DDX60L: variants seen among roughly 807,000 people sequenced by gnomAD.
DDX60L encodes the protein DExD/H-box 60 like, also known as probable ATP-dependent RNA helicase DDX60-like.
DDX60L carries 191 observed loss-of-function variants against 211.6 expected under a neutral mutation model. The observed-to-expected ratio is 0.90, with a 90% confidence interval of 0.80 to 1.02. The LOEUF (loss-of-function observed/expected upper bound fraction) is 1.02. Among genes scored for constraint, DDX60L ranks in the 50% least tolerant of loss-of-function variants. DDX60L has a pLI of 0.00. For missense variants in DDX60L, 2,007 were observed against 1,984.1 expected (o/e 1.01, Z -0.22); for synonymous variants, 706 against 694.1 (o/e 1.02, Z -0.27).
chr4:168,369,428 G>C (rs1299922253), intron 36 of DDX60L, among the ~76,000 whole-genome samples: 4 of 151,692 alleles, frequency 2.6e-5, no homozygotes, highest in Admixed American at 6.6e-5. Context: ...GCCCAGTCTT[G>C]GGTATGTCTT....
At chr4:168,427,355 G>A in intron 13 of DDX60L, 33 bp from the exon 14 acceptor site, 1 of 1,590,010 alleles carries the variant, frequency 6.3e-7, no homozygotes, top group East Asian at 2.2e-5. Context: ...TATGAAACAA[G>A]TGGGAAAATT....
Position 168,441,395 on chromosome 4 carries a change from A to C in DDX60L, c.1236T>G (p.Ser412=), listed in dbSNP as rs1002976067. 22 of 1,612,944 alleles carry C rather than the reference A, an allele frequency of 1.4e-5. No individual in the cohort carries two copies. Among genetic ancestry groups the C allele is most frequent in the Non-Finnish European group, 1.7e-5 (20 of 1,179,466 alleles). The change falls in exon 10 of 38, where the codon TCT becomes TCG. Residue 412 remains serine (S), a synonymous_variant. Transcript: ENST00000682922. Reference sequence around the variant, plus strand: ...GTCTTCTTGTTGTTCTCAGAGGAAAAGACTTTCCAACGTTAAATTCTTTAA... The same window carrying C: ...GTCTTCTTGTTGTTCTCAGAGGAAACGACTTTCCAACGTTAAATTCTTTAA... The part of the protein sequence containing the change: ...HLVKEFNVGK[S]FPLRTTRRHF...
Position 168,387,272 on chromosome 4 carries a change from A to G in DDX60L, c.3916-2460T>C, listed in dbSNP as rs182192522. ...CAAACCAGCTGCTGTTGGTGGTGCC[A>G]AGATAAACTGTGGTTGGAAATCTCC... On this transcript the variant is annotated intron_variant, in intron 29 of 37. Transcript: ENST00000682922. Among the ~76,000 whole-genome samples, 226 of 152,354 alleles carry G rather than the reference A, an allele frequency of 1.5e-3. 1 individual carries two copies. Among genetic ancestry groups the G allele is most frequent in the African/African-American group, 4.9e-3 (203 of 41,586 alleles).
Position 168,441,378 on chromosome 4 carries a change from G to T in DDX60L, c.1253C>A (p.Thr418Lys), listed in dbSNP as rs373700437. Residue 418 changes from threonine to lysine, a missense_variant, in exon 10 of 38, where the codon ACA becomes AAA. Physicochemically the swap from Thr to Lys is moderately conservative, Grantham distance 78. Coordinates refer to ENST00000682922, the MANE Select transcript of DDX60L (RefSeq NM_001012967.3). ...NVGKSFPLRT[T>K]RRHFLRQEKS... Reference sequence around the variant, plus strand: ...CTCTTGTCTAAGAAAATGTCTTCTTGTTGTTCTCAGAGGAAAAGACTTTCC... The same window carrying T: ...CTCTTGTCTAAGAAAATGTCTTCTTTTTGTTCTCAGAGGAAAAGACTTTCC... 6.2e-7 allele frequency: 1 copy of T among 1,611,270 alleles called. No individual in the cohort carries two copies. The highest frequency in any genetic ancestry group is 1.7e-5 in the Admixed American group (1 of 59,418).
Position 168,406,005 on chromosome 4 carries a change from T to C in DDX60L, c.3158A>G (p.Glu1053Gly). 4 of 1,602,468 alleles carry C rather than the reference T, an allele frequency of 2.5e-6. No individual in the cohort carries two copies. Among genetic ancestry groups the C allele is most frequent in the Non-Finnish European group, 3.4e-6 (4 of 1,175,200 alleles). ...VIKKLDARKY[E>G]ENLKAELTNW... ...TGTCAATTCTGCCTTTAAGTTTTCT[T>C]CATATTTTCTAGCATCCAACTTCTT... The change falls in exon 24 of 38, where the codon GAA (glutamate) becomes GGA (glycine). Residue 1053 changes from glutamate to glycine, a missense_variant. Physicochemically the swap from Glu to Gly is moderately conservative, Grantham distance 98 (BLOSUM62 -2). Transcript: ENST00000682922.
In DDX60L at chr4:168,375,401, G is replaced by C. The variant is rs1301008925; in HGVS notation, c.4609C>G (p.His1537Asp). 1.2e-6 allele frequency: 2 copies of C among 1,612,602 alleles called. No homozygotes were observed. The highest frequency in any genetic ancestry group is 2.2e-5 in the South Asian group (2 of 90,884). Residue 1537 changes from histidine (H) to aspartate (D), a missense_variant, in exon 34 of 38, where the codon CAT (histidine) becomes GAT (aspartate). Coordinates refer to ENST00000682922, the MANE Select transcript of DDX60L (RefSeq NM_001012967.3). ...ASKSVNMKKEHQLPLSRIKFT... is the reference protein window; with the variant it reads ...ASKSVNMKKEDQLPLSRIKFT... ...CTGATTCTTGACAAAGGGAGTTGAT[G>C]CTCTTTTTTCATGTTCACCGACTTG...
intron 8 of DDX60L, 140 bp downstream of exon 8, chr4:168,452,983 CA>C (rs1266522075): frequency 1.1e-4 from 94 of 891,952 alleles, no homozygotes; most frequent in Non-Finnish European, 1.5e-4. Context: ...ATTACACTAC[CA>C]AAAATAAAAG....
rs75771625 is a variant in DDX60L, at chr4:168,370,043, G to A, written c.4928+1569C>T. On this transcript the variant is annotated intron_variant, in intron 36 of 37. Coordinates refer to ENST00000682922, the MANE Select transcript of DDX60L (RefSeq NM_001012967.3). Reference sequence around the variant, plus strand: ...TTCAAAACATTAAAACTAGAATTACGATAAGATCAAGCAATCCCACTACTA... The same window carrying A: ...TTCAAAACATTAAAACTAGAATTACAATAAGATCAAGCAATCCCACTACTA... 6.8e-3 allele frequency among the ~76,000 whole-genome samples: 1,033 copies of A among 152,100 alleles called. 13 individuals are homozygous for A. The highest frequency in any genetic ancestry group is 0.023 in the African/African-American group (946 of 41,502).
chr4:168,452,419 C>T (rs940774872), intron 8 of DDX60L, among the ~76,000 whole-genome samples: 13 of 152,174 alleles, frequency 8.5e-5, no homozygotes, highest in Admixed American at 2.0e-4. Flanking sequence ...ATCACTCAAA[C>T]GTATTTAGTA....
chr4:168,385,622 C>T (rs986206756), intron 29 of DDX60L, among the ~76,000 whole-genome samples: 3 of 151,942 alleles, frequency 2.0e-5, no homozygotes, highest in Non-Finnish European at 4.4e-5. Flanking sequence ...GTGTGGAATC[C>T]GATGCTATCT....
chr4:168,475,786 G>A (rs1305903040), intron 1 of DDX60L, among the ~76,000 whole-genome samples: 3 of 152,100 alleles, frequency 2.0e-5, no homozygotes, highest in African/African-American at 7.2e-5. Flanking sequence ...GCTTCAGGAG[G>A]TAATTAGGAT....
intron 25 of DDX60L, among the ~76,000 whole-genome samples, chr4:168,402,494 T>A (rs973367016): frequency 6.6e-6 from 1 of 152,212 alleles, no homozygotes; most frequent in Non-Finnish European, 1.5e-5. Context: ...TTAAGTGTTT[T>A]ATATAAATTA....
chr4:168,463,406 G>C (rs1468768545), intron 4 of DDX60L, among the ~76,000 whole-genome samples: 1 of 152,154 alleles, frequency 6.6e-6, no homozygotes, highest in Non-Finnish European at 1.5e-5. Context: ...GACACATACA[G>C]GAAAACAACA....
chr4:168,394,875 A>G (rs3828494), intron 27 of DDX60L, among the ~76,000 whole-genome samples: 84,281 of 152,046 alleles, frequency 0.55, 23,526 homozygotes, highest in East Asian at 0.62. Context: ...TGCCCAGGAC[A>G]GATGAGTAAA....
At chr4:168,407,389 G>A (rs868190036) in intron 22 of DDX60L, among the ~76,000 whole-genome samples, 1 of 152,138 alleles carries the variant, frequency 6.6e-6, no homozygotes, top group African/African-American at 2.4e-5. Flanking sequence ...TAGGGTACAA[G>A]AACAAATCCT....
chr4:168,465,600 T>C (rs962160186), intron 4 of DDX60L, among the ~76,000 whole-genome samples: 2 of 152,122 alleles, frequency 1.3e-5, no homozygotes, highest in Non-Finnish European at 2.9e-5. Flanking sequence ...TTCCCCTATG[T>C]TTTTTTCTAA....
chr4:168,416,873 T>C (rs1749657314), intron 19 of DDX60L, 76 bp from the exon 20 acceptor site: 1 of 779,840 alleles, frequency 1.3e-6, no homozygotes, highest in South Asian at 2.0e-5. Context: ...AAAATCATCA[T>C]GCATATTTTT....
chr4:168,382,313 A>G (rs1743111851), intron 30 of DDX60L, among the ~76,000 whole-genome samples: 1 of 152,308 alleles, frequency 6.6e-6, no homozygotes, highest in East Asian at 1.9e-4. Context: ...GGTAGAAAAG[A>G]CTGGAAGAAA....
At position 168,403,964 on chromosome 4, in the gene DDX60L, T is replaced by C; in HGVS notation, c.3338+18A>G. On this transcript the variant is annotated intron_variant, in intron 25 of 37. Transcript: ENST00000682922. Reference sequence around the variant, plus strand: ...TTCTCACATATAAACAAAGATAAATTAAGTTTCAGTTACTTACAAAAAAAA... The same window carrying C: ...TTCTCACATATAAACAAAGATAAATCAAGTTTCAGTTACTTACAAAAAAAA... The C allele has an allele frequency of 7.1e-7, 1 of 1,409,954 alleles. No individual in the cohort carries two copies. Among genetic ancestry groups the C allele is most frequent in the East Asian group, 2.5e-5 (1 of 40,174 alleles). The allele number at this position is 1,409,954 out of a possible 1,614,324, so 87.3% of individuals were successfully genotyped here.
Sources: gnomAD v4.1 joint callset for allele counts (sites outside exome capture counted in the v4.1 genomes callset) on GRCh38, gnomAD v4.1.1 for gene constraint, MANE v1.5 for transcripts, NCBI Gene and HGNC (gene_info 2026-07-23, HGNC 2026-07-21) for gene names.